Variants in SLC17A1 observed in about 807,000 individuals in gnomAD.
SLC17A1 encodes the protein solute carrier family 17 member 1.
Under a neutral mutation model 53.5 loss-of-function variants are expected in SLC17A1, and 51 were observed. That is an observed-to-expected ratio of 0.95 (90% confidence interval 0.76 to 1.20). The LOEUF (loss-of-function observed/expected upper bound fraction) is 1.20, where lower values mean the gene tolerates loss of function less well. SLC17A1 is among the 50% of genes most tolerant of loss of function. SLC17A1 has a pLI of 0.00. For synonymous variants in SLC17A1, 179 were observed against 198.8 expected (o/e 0.90, Z 0.84); for missense variants, 538 against 568.2 (o/e 0.95, Z 0.54).
Position 25,819,923 on chromosome 6 carries a change from A to G in SLC17A1, c.208-8T>C, listed in dbSNP as rs375995007. 7.7e-5 allele frequency: 119 copies of G among 1,547,180 alleles called. No individual in the cohort carries two copies. The highest frequency in any genetic ancestry group is 1.7e-4 in the Middle Eastern group (1 of 5,850). On this transcript the variant is annotated splice_polypyrimidine_tract_variant and splice_region_variant and intron_variant, in intron 3 of 12. Coordinates refer to ENST00000244527, the MANE Select transcript of SLC17A1 (RefSeq NM_005074.5). ...CCAATTATACATAGGGTTCTAAAAG[A>G]CAAGGGGGGACATGTCGAATCACTC...
intron 12 of SLC17A1, among the ~76,000 whole-genome samples, chr6:25,789,864 G>A (rs1206402210): frequency 1.3e-5 from 2 of 152,166 alleles, no homozygotes; most frequent in Non-Finnish European, 2.9e-5. Flanking sequence ...AAATGTGAAT[G>A]AGGTCCCAGA....
the SLC17A1 span, chr6:25,770,297 C>A: frequency 1.4e-5 from 23 of 1,613,910 alleles, no homozygotes; most frequent in South Asian, 8.8e-5. Flanking sequence ...AAGGCATAGC[C>A]CAGGTACCAA....
the SLC17A1 span, among the ~76,000 whole-genome samples, chr6:25,767,062 A>G: frequency 6.6e-6 from 1 of 152,194 alleles, no homozygotes; most frequent in Non-Finnish European, 1.5e-5. Context: ...GATATAGAGG[A>G]ACTCAACAAT....
chr6:25,737,282 G>T, the SLC17A1 span, among the ~76,000 whole-genome samples: 1 of 152,016 alleles, frequency 6.6e-6, no homozygotes, highest in Non-Finnish European at 1.5e-5. Flanking sequence ...CTGATGACTG[G>T]ATGGCCCCAC....
the SLC17A1 span, among the ~76,000 whole-genome samples, chr6:25,750,560 C>G: frequency 6.6e-6 from 1 of 150,472 alleles, no homozygotes; most frequent in South Asian, 2.1e-4. Flanking sequence ...AAGGTGGTAA[C>G]CATTCATAAA....
the SLC17A1 span, among the ~76,000 whole-genome samples, chr6:25,731,118 G>A: frequency 6.6e-6 from 1 of 152,208 alleles, no homozygotes; most frequent in African/African-American, 2.4e-5. Context: ...AGCAACATAA[G>A]AACTGTGATA....
chr6:25,767,107 T>G, the SLC17A1 span, among the ~76,000 whole-genome samples: 27 of 152,230 alleles, frequency 1.8e-4, no homozygotes, highest in East Asian at 3.9e-3. Context: ...AATTAAAAAT[T>G]TATTAAGAAA....
chr6:25,775,031 T>C, the SLC17A1 span, among the ~76,000 whole-genome samples: 1 of 152,182 alleles, frequency 6.6e-6, no homozygotes, highest in Non-Finnish European at 1.5e-5. Context: ...TTAAAAACTA[T>C]ATTGAAACAT....
At chr6:25,731,956 T>G in the SLC17A1 span, 12 of 1,598,562 alleles carry the variant, frequency 7.5e-6, no homozygotes, top group Non-Finnish European at 1.0e-5. Flanking sequence ...CGCTCAAAAA[T>G]GTCACTAACA....
the SLC17A1 span, among the ~76,000 whole-genome samples, chr6:25,758,222 C>T: frequency 1.3e-5 from 2 of 152,204 alleles, no homozygotes; most frequent in Admixed American, 6.5e-5. Flanking sequence ...TCCTTGCAGG[C>T]AGCTCCTATA....
chr6:25,769,681 A>C, the SLC17A1 span, among the ~76,000 whole-genome samples: 2 of 152,184 alleles, frequency 1.3e-5, no homozygotes, highest in East Asian at 3.8e-4. Context: ...GAATAAATGA[A>C]ACATTTTACC....
chr6:25,789,568 C>T (rs772500592), intron 12 of SLC17A1, among the ~76,000 whole-genome samples: 1 of 152,112 alleles, frequency 6.6e-6, no homozygotes, highest in Non-Finnish European at 1.5e-5. Context: ...AGAAATGGTA[C>T]ATATCAGCAT....
chr6:25,826,542 G>T lies in SLC17A1; in HGVS notation c.126C>A (p.Leu42=). The stretch of plus-strand genomic sequence containing the variant: ...TGCTATTCACCATGACTACCATTGT[G>T]AGGTTCAGGCACGCACGCTGTGCTG... ...IITAQRACLN[L]TMVVMVNSTD... is the part of the protein sequence containing the mutation. Residue 42 remains leucine (L), a synonymous_variant, in exon 3 of 13, where the codon CTC becomes CTA. Transcript: ENST00000244527. 6.2e-7 allele frequency: 1 copy of T among 1,612,594 alleles called. No individual in the cohort carries two copies. The highest frequency in any genetic ancestry group is 8.5e-7 in the Non-Finnish European group (1 of 1,179,030).
chr6:25,819,939 C>G (rs6933725), intron 3 of SLC17A1, 24 bp from the exon 4 acceptor site: 3 of 1,470,712 alleles, frequency 2.0e-6, no homozygotes, highest in East Asian at 4.5e-5. Context: ...GGGGACATGT[C>G]GAATCACTCT....
chr6:25,823,486 G>A (rs1764636177), intron 3 of SLC17A1, among the ~76,000 whole-genome samples: 2 of 152,032 alleles, frequency 1.3e-5, no homozygotes, highest in Admixed American at 6.6e-5. Context: ...CTTTATATTT[G>A]CAATCATTAC....
chr6:25,755,621 CT>C, the SLC17A1 span, among the ~76,000 whole-genome samples: 1 of 152,156 alleles, frequency 6.6e-6, no homozygotes, highest in Non-Finnish European at 1.5e-5. Context: ...CATTTCTTTG[CT>C]GTTTTTTCCT....
chr6:25,730,825 GA>G, the SLC17A1 span, among the ~76,000 whole-genome samples: 1 of 152,192 alleles, frequency 6.6e-6, no homozygotes, highest in East Asian at 1.9e-4. Context: ...AGATTAATTG[GA>G]AACTAATTCA....
the SLC17A1 span, chr6:25,777,658 C>T: frequency 3.0e-6 from 1 of 330,062 alleles, no homozygotes; most frequent in Non-Finnish European, 5.5e-6. Context: ...CTTGCATAAA[C>T]AATGTTGACA....
At chr6:25,771,610 A>T in the SLC17A1 span, among the ~76,000 whole-genome samples, 1 of 152,134 alleles carries the variant, frequency 6.6e-6, no homozygotes, top group East Asian at 1.9e-4. Flanking sequence ...TTTTAGTCAG[A>T]TTACATTTTA....
Sources: gnomAD v4.1 joint callset for allele counts (sites outside exome capture counted in the v4.1 genomes callset) on GRCh38, gnomAD v4.1.1 for gene constraint, MANE v1.5 for transcripts, NCBI Gene and HGNC (gene_info 2026-07-23, HGNC 2026-07-21) for gene names.